SULF2: variants seen among roughly 807,000 people sequenced by gnomAD.
SULF2 encodes extracellular sulfatase Sulf-2.
Under a neutral mutation model 107.7 loss-of-function variants are expected in SULF2, and 52 were observed. That is an observed-to-expected ratio of 0.48 (90% CI 0.39 to 0.61). The LOEUF (loss-of-function observed/expected upper bound fraction) is 0.61. Among genes scored for constraint, SULF2 ranks in the 20% least tolerant of loss-of-function variants. SULF2 has a pLI of 0.00. For synonymous variants in SULF2, 460 were observed against 464.3 expected (o/e 0.99, Z 0.12); for missense variants, 993 against 1,177.3 (o/e 0.84, Z 2.29).
At chr20:47,781,816 G>A (rs1166359560) in intron 1 of SULF2, among the ~76,000 whole-genome samples, 3 of 152,090 alleles carry the variant, frequency 2.0e-5, no homozygotes, top group African/African-American at 4.8e-5. Flanking sequence ...AGGGAGCCAG[G>A]CAGTCTGGCT....
chr20:47,737,015 A>G, intron 2 of SULF2, 73 bp from the exon 3 acceptor site: 1 of 1,597,658 alleles, frequency 6.3e-7, no homozygotes, highest in Non-Finnish European at 8.5e-7. Flanking sequence ...GGCTCTCAGC[A>G]CGTGGCATCC....
chr20:47,659,540 T>G, intron 19 of SULF2, 88 bp from the exon 20 acceptor site: 1 of 1,456,386 alleles, frequency 6.9e-7, no homozygotes, highest in Non-Finnish European at 9.6e-7. Flanking sequence ...GAAGGTCTCC[T>G]AGGTGACACC....
intron 3 of SULF2, among the ~76,000 whole-genome samples, chr20:47,712,432 G>A (rs1016911115): frequency 1.3e-5 from 2 of 152,172 alleles, no homozygotes; most frequent in African/African-American, 2.4e-5. Flanking sequence ...TAGTCACCGG[G>A]CTGTTTATTT....
intron 10 of SULF2, chr20:47,672,636 TTC>T: frequency 1.2e-6 from 1 of 814,610 alleles, no homozygotes; most frequent in Non-Finnish European, 1.5e-6. Flanking sequence ...GGTTACCTGC[TTC>T]TGTCTGCTCC....
At chr20:47,668,780 C>A (rs1055589997) in intron 11 of SULF2, among the ~76,000 whole-genome samples, 27 of 152,148 alleles carry the variant, frequency 1.8e-4, no homozygotes, top group Non-Finnish European at 3.5e-4. Context: ...CCACTCCCTG[C>A]CTCTCCACGC....
chr20:47,699,561 C>T lies in SULF2; in HGVS notation c.567+2958G>A, dbSNP rs913320835. Among the ~76,000 whole-genome samples the T allele has an allele frequency of 3.9e-5, 6 of 151,930 alleles. 1 individual carries two copies. Among genetic ancestry groups the T allele is most frequent in the Non-Finnish European group, 5.9e-5 (4 of 67,992 alleles). ...GGAGTACGTAGCATGTCCAAGGTCA[C>T]GTAATATGTGTCAAGGTTGGGGCTC... On this transcript the variant is annotated intron_variant, in intron 4 of 20. Coordinates refer to ENST00000688720, the MANE Select transcript of SULF2 (RefSeq NM_001387048.1).
At chr20:47,735,874 C>A (rs1034237962) in intron 3 of SULF2, among the ~76,000 whole-genome samples, 1 of 152,178 alleles carries the variant, frequency 6.6e-6, no homozygotes, top group Non-Finnish European at 1.5e-5. Flanking sequence ...TCCATCCTTC[C>A]CTTGCGGCAC....
intron 6 of SULF2, among the ~76,000 whole-genome samples, chr20:47,683,406 T>C (rs1270442080): frequency 6.6e-6 from 1 of 152,244 alleles, no homozygotes; most frequent in African/African-American, 2.4e-5. Context: ...CTCTTTTACT[T>C]ATCTGTGGAT....
intron 10 of SULF2, among the ~76,000 whole-genome samples, chr20:47,673,968 C>T (rs908974962): frequency 2.6e-5 from 4 of 152,252 alleles, no homozygotes; most frequent in Admixed American, 6.5e-5. Flanking sequence ...GCCTGCTCCC[C>T]GCTCCAACCC....
chr20:47,669,363 T>G (rs1011739355), intron 11 of SULF2, among the ~76,000 whole-genome samples: 1 of 151,962 alleles, frequency 6.6e-6, no homozygotes, highest in African/African-American at 2.4e-5. Context: ...GCGGACACTT[T>G]GGGGTCAGAT....
chr20:47,698,850 G>A (rs371043449), intron 4 of SULF2, among the ~76,000 whole-genome samples: 1 of 152,044 alleles, frequency 6.6e-6, no homozygotes, highest in African/African-American at 2.4e-5. Flanking sequence ...TGACCAACAC[G>A]GAGAAACCCC....
At chr20:47,712,973 G>A (rs1037693758) in intron 3 of SULF2, among the ~76,000 whole-genome samples, 17 of 152,032 alleles carry the variant, frequency 1.1e-4, no homozygotes, top group South Asian at 4.2e-4. Flanking sequence ...AAGTGGAGGC[G>A]GAGGCTGCAG....
intron 3 of SULF2, among the ~76,000 whole-genome samples, chr20:47,704,604 T>A (rs1034005288): frequency 2.0e-5 from 3 of 152,234 alleles, no homozygotes; most frequent in African/African-American, 7.2e-5. Flanking sequence ...TTATAATCTA[T>A]AAAGCCATAT....
intron 1 of SULF2, among the ~76,000 whole-genome samples, chr20:47,784,918 T>C (rs534932667): frequency 6.6e-6 from 1 of 152,268 alleles, no homozygotes; most frequent in Admixed American, 6.5e-5. Context: ...CCCCGAGTCC[T>C]GCCCGGACAA....
intron 1 of SULF2, among the ~76,000 whole-genome samples, chr20:47,773,564 G>A (rs781249675): frequency 6.6e-6 from 1 of 152,250 alleles, no homozygotes; most frequent in African/African-American, 2.4e-5. Context: ...GGCCACACCC[G>A]CTGTCCTTTC....
intron 2 of SULF2, among the ~76,000 whole-genome samples, chr20:47,743,604 C>T (rs2089940816): frequency 6.6e-6 from 1 of 152,202 alleles, no homozygotes; most frequent in Non-Finnish European, 1.5e-5. Context: ...GCCACCATGC[C>T]TGCCTGGCCA....
rs753024504 is a variant in SULF2, at chr20:47,702,631, T to C, written c.455A>G (p.Tyr152Cys). ...CCACTCCTTCCAGCCGGGTGGCACG[T>C]AGGAGCCGTTGTATTCATTAAGATA... ...GKYLNEYNGSYVPPGWKEWVG... is the reference protein window; with the variant it reads ...GKYLNEYNGSCVPPGWKEWVG... Residue 152 changes from tyrosine to cysteine, a missense_variant, in exon 4 of 21, where the codon TAC becomes TGC. By Grantham distance (194) the Tyr-to-Cys change is radical. Around this residue, in one of 3 missense-constraint regions of SULF2, gnomAD observed 388 missense variants for 449.2 expected, o/e 0.86. Coordinates refer to ENST00000688720, the MANE Select transcript of SULF2 (RefSeq NM_001387048.1). 3 of 1,613,894 alleles carry C rather than the reference T, an allele frequency of 1.9e-6. No individual in the cohort carries two copies. The highest frequency in any genetic ancestry group is 2.5e-6 in the Non-Finnish European group (3 of 1,180,012).
intron 20 of SULF2, 41 bp downstream of exon 20, chr20:47,659,358 C>G: frequency 6.3e-7 from 1 of 1,591,578 alleles, no homozygotes; most frequent in Non-Finnish European, 8.6e-7. Context: ...ATGAAGCGGT[C>G]AGAACCAGAT....
At chr20:47,756,698 T>G (rs865973074) in intron 2 of SULF2, among the ~76,000 whole-genome samples, 2 of 145,404 alleles carry the variant, frequency 1.4e-5, no homozygotes, top group Middle Eastern at 3.7e-3. Flanking sequence ...CAGGCTGGAG[T>G]GTAGTGGCAT....
Sources: gnomAD v4.1 joint callset for allele counts (sites outside exome capture counted in the v4.1 genomes callset) on GRCh38, gnomAD v4.1.1 for gene constraint, gnomAD v4.1.1 regional missense constraint, MANE v1.5 for transcripts, NCBI Gene and HGNC (gene_info 2026-07-23, HGNC 2026-07-21) for gene names.